Variants in LIN28B observed in about 807,000 individuals in gnomAD.
LIN28B encodes the protein lin-28 RNA binding posttranscriptional regulator B.
A neutral mutation model predicts 21.9 loss-of-function variants in LIN28B; 5 were observed. The observed-to-expected ratio is 0.23, with a 90% CI of 0.12 to 0.48. LIN28B has a LOEUF of 0.48. Among genes scored for constraint, LIN28B ranks in the 20% least tolerant of loss-of-function variants. The probability of loss-of-function intolerance (pLI) is 0.98; values close to 1 mark genes in which losing one functional copy is unlikely to be tolerated. For synonymous variants in LIN28B, 109 were observed against 111.3 expected, an observed-to-expected ratio of 0.98 and a Z score of 0.13; for missense variants, 245 against 310.5, an observed-to-expected ratio of 0.79 and a Z score of 1.58.
intron 2 of LIN28B, among the ~76,000 whole-genome samples, chr6:105,013,641 G>A (rs1770967655): frequency 6.6e-6 from 1 of 150,966 alleles, no homozygotes; most frequent in Non-Finnish European, 1.5e-5. Flanking sequence ...GAGGTGGGAG[G>A]ATTACCAGGA....
chr6:105,034,223 T>C (rs1303370331), intron 3 of LIN28B, among the ~76,000 whole-genome samples: 1 of 151,958 alleles, frequency 6.6e-6, no homozygotes, highest in African/African-American at 2.4e-5. Context: ...TTGTTTTTCT[T>C]AACCTTCCAC....
In LIN28B at chr6:105,071,415, A is replaced by C. The variant is rs536348511; in HGVS notation, c.384-6999A>C. 3.3e-5 allele frequency among the ~76,000 whole-genome samples: 5 copies of C among 152,144 alleles called. No individual in the cohort carries two copies. In the South Asian group the frequency reaches 8.3e-4, roughly 25 times the overall value. The stretch of plus-strand genomic sequence containing the variant: ...TTTTTGGTATATGTGGCTTTAATTT[A>C]TTTTTCATTTTAACAAGTTTATAGC... On this transcript the variant is annotated intron_variant, in intron 3 of 3. Coordinates refer to ENST00000345080, the MANE Select transcript of LIN28B (RefSeq NM_001004317.4).
At chr6:105,004,631 T>C (rs2114297020) in intron 2 of LIN28B, among the ~76,000 whole-genome samples, 1 of 152,356 alleles carries the variant, frequency 6.6e-6, no homozygotes, top group Admixed American at 6.5e-5. Flanking sequence ...TACATAAATA[T>C]TGTTTGTGGC....
chr6:105,034,780 G>C (rs928505118), intron 3 of LIN28B, among the ~76,000 whole-genome samples: 6 of 152,088 alleles, frequency 3.9e-5, no homozygotes, highest in South Asian at 2.1e-4. Flanking sequence ...TTTTTGTAGA[G>C]CCATAATTTT....
intron 3 of LIN28B, among the ~76,000 whole-genome samples, chr6:105,068,203 A>G (rs1250672039): frequency 6.6e-6 from 1 of 152,208 alleles, no homozygotes; most frequent in Non-Finnish European, 1.5e-5. Flanking sequence ...AAATGAGATA[A>G]AATGTGTAAA....
intron 2 of LIN28B, among the ~76,000 whole-genome samples, chr6:104,984,420 T>A (rs1770291169): frequency 6.6e-6 from 1 of 152,140 alleles, no homozygotes; most frequent in Non-Finnish European, 1.5e-5. Flanking sequence ...AGCCAAACTA[T>A]GCTTGCAGTT....
chr6:105,032,526 C>A (rs1194415372), intron 3 of LIN28B, among the ~76,000 whole-genome samples: 1 of 151,918 alleles, frequency 6.6e-6, no homozygotes, highest in African/African-American at 2.4e-5. Context: ...GAAGTTTGAA[C>A]CTAGCCTGGG....
At chr6:104,991,894 G>T (rs911097838) in intron 2 of LIN28B, among the ~76,000 whole-genome samples, 2 of 152,068 alleles carry the variant, frequency 1.3e-5, no homozygotes, top group South Asian at 2.1e-4. Flanking sequence ...GCCTGCAATC[G>T]CAGGCACTCG....
intron 2 of LIN28B, among the ~76,000 whole-genome samples, chr6:104,948,750 A>G (rs1778186713): frequency 6.6e-6 from 1 of 152,188 alleles, no homozygotes; most frequent in Non-Finnish European, 1.5e-5. Context: ...ACAATTTTAA[A>G]CCATTAATAT....
intron 2 of LIN28B, among the ~76,000 whole-genome samples, chr6:105,000,530 C>G (rs1225947981): frequency 6.6e-6 from 1 of 151,992 alleles, no homozygotes. Context: ...CTGGTCTGGT[C>G]AGAACTAGTT....
chr6:105,027,167 C>G (rs971356277), intron 3 of LIN28B, among the ~76,000 whole-genome samples: 4 of 152,016 alleles, frequency 2.6e-5, no homozygotes, highest in Admixed American at 2.6e-4. Flanking sequence ...CTGATTATAT[C>G]TTTAGGGTAA....
At chr6:104,962,309 A>G (rs1769763577) in intron 2 of LIN28B, among the ~76,000 whole-genome samples, 1 of 152,016 alleles carries the variant, frequency 6.6e-6, no homozygotes, top group African/African-American at 2.4e-5. Flanking sequence ...TTTAGCTACC[A>G]TTACTCAGTA....
At chr6:104,967,961 A>C (rs903937148) in intron 2 of LIN28B, among the ~76,000 whole-genome samples, 1 of 152,122 alleles carries the variant, frequency 6.6e-6, no homozygotes, top group South Asian at 2.1e-4. Flanking sequence ...TGCCTCCTTA[A>C]GTGCTGGGAT....
chr6:105,047,683 T>C (rs1173266242), intron 3 of LIN28B, among the ~76,000 whole-genome samples: 2 of 152,228 alleles, frequency 1.3e-5, no homozygotes, highest in East Asian at 3.8e-4. Flanking sequence ...TTGTGTCCTC[T>C]TTTATTTCAC....
At chr6:105,076,856 G>A (rs1402421795) in intron 3 of LIN28B, among the ~76,000 whole-genome samples, 2 of 151,670 alleles carry the variant, frequency 1.3e-5, no homozygotes, top group East Asian at 2.0e-4. Context: ...CGCCTGTCTC[G>A]GTCTCCCAAA....
At chr6:104,971,879 G>A (rs1050847577) in intron 2 of LIN28B, among the ~76,000 whole-genome samples, 1 of 152,100 alleles carries the variant, frequency 6.6e-6, no homozygotes, top group African/African-American at 2.4e-5. Context: ...ATTAGCAAGG[G>A]ATATAGAAAA....
chr6:105,055,745 T>G (rs1772009164), intron 3 of LIN28B, among the ~76,000 whole-genome samples: 1 of 152,000 alleles, frequency 6.6e-6, no homozygotes, highest in South Asian at 2.1e-4. Context: ...TGGTTGTTGT[T>G]GTTGTTTTAA....
chr6:104,951,005 A>C (rs1269200957), intron 3 of LIN28B, among the ~76,000 whole-genome samples: 4 of 152,166 alleles, frequency 2.6e-5, no homozygotes, highest in Non-Finnish European at 5.9e-5. Flanking sequence ...CTTATCTAGG[A>C]AGCTCTGTGT....
intron 3 of LIN28B, among the ~76,000 whole-genome samples, chr6:105,040,540 ATAT>A (rs1420518791): frequency 2.6e-5 from 4 of 151,976 alleles, no homozygotes; most frequent in African/African-American, 4.8e-5. Flanking sequence ...TATATACCTG[ATAT>A]TATAAATACA....
Sources: gnomAD v4.1 joint callset for allele counts (sites outside exome capture counted in the v4.1 genomes callset) on GRCh38, gnomAD v4.1.1 for gene constraint, MANE v1.5 for transcripts, NCBI Gene and HGNC (gene_info 2026-07-23, HGNC 2026-07-21) for gene names.